NDST4: variants seen among roughly 807,000 people sequenced by gnomAD.
NDST4 encodes N-deacetylase and N-sulfotransferase 4.
NDST4 carries 63 observed loss-of-function variants against 100.8 expected under a neutral mutation model. The ratio of observed to expected loss-of-function variants is 0.62; its 90% CI spans 0.51 to 0.77. NDST4 has a LOEUF of 0.77. NDST4 is among the 30% of genes least tolerant of loss of function. NDST4 has a pLI of 0.00. For missense variants in NDST4, 943 were observed against 1,018.4 expected, an observed-to-expected ratio of 0.93 and a Z score of 1.01; for synonymous variants, 377 against 361.8, an observed-to-expected ratio of 1.04 and a Z score of -0.48.
Position 115,077,200 on chromosome 4 carries a change from G to T in NDST4, c.-164C>A. 1 of 630,320 alleles carries T rather than the reference G, an allele frequency of 1.6e-6. No homozygotes were observed. Among genetic ancestry groups the T allele is most frequent in the Non-Finnish European group, 2.7e-6 (1 of 373,870 alleles). The allele number at this position is 630,320 out of a possible 1,614,324, so 39.0% of individuals were successfully genotyped here. On this transcript the variant is annotated 5_prime_UTR_variant, in exon 2 of 14. Transcript: ENST00000264363. ...AGCACAACTGAGTTAAAGCTGGAAG[G>T]CAATAGATGGGAAGGATATACGTTG...
At chr4:114,909,366 AAGCTAAATTATTG>A (rs1725015909) in intron 6 of NDST4, among the ~76,000 whole-genome samples, 1 of 152,158 alleles carries the variant, frequency 6.6e-6, no homozygotes, top group Middle Eastern at 3.2e-3. Context: ...ACTTCTTAGA[AAGCTAAATTATTG>A]GCCGGGCGCG....
At chr4:114,877,305 A>T (rs1437704672) in intron 6 of NDST4, among the ~76,000 whole-genome samples, 1 of 152,238 alleles carries the variant, frequency 6.6e-6, no homozygotes, top group African/African-American at 2.4e-5. Flanking sequence ...AATGGATTAA[A>T]TCTAAAATAT....
chr4:114,839,204 A>G (rs1723373009), intron 11 of NDST4, among the ~76,000 whole-genome samples, 174 bp downstream of exon 11: 1 of 152,210 alleles, frequency 6.6e-6, no homozygotes, highest in Non-Finnish European at 1.5e-5. Context: ...CTTACTTATC[A>G]TTGTCTCTGA....
At chr4:114,854,898 C>T (rs995372846) in intron 7 of NDST4, among the ~76,000 whole-genome samples, 2 of 152,230 alleles carry the variant, frequency 1.3e-5, no homozygotes, top group Non-Finnish European at 2.9e-5. Flanking sequence ...TTCCCACCAA[C>T]AGTGTCCAAG....
intron 2 of NDST4, among the ~76,000 whole-genome samples, chr4:114,998,456 T>C (rs1249205254): frequency 6.6e-6 from 1 of 152,068 alleles, no homozygotes; most frequent in East Asian, 1.9e-4. Flanking sequence ...CCATTAACTA[T>C]TCCCTGGGGA....
chr4:115,050,395 A>T (rs1728558525), intron 2 of NDST4, among the ~76,000 whole-genome samples: 1 of 147,766 alleles, frequency 6.8e-6, no homozygotes, highest in African/African-American at 2.6e-5. Flanking sequence ...CTGCTTTGAA[A>T]ATGAAGCATT....
At chr4:114,988,490 T>A (rs533094215) in intron 2 of NDST4, among the ~76,000 whole-genome samples, 2 of 151,050 alleles carry the variant, frequency 1.3e-5, no homozygotes, top group East Asian at 3.9e-4. Flanking sequence ...GCCTCCCAAG[T>A]AGCTGGGACT....
intron 6 of NDST4, among the ~76,000 whole-genome samples, chr4:114,898,754 T>C (rs1029314907): frequency 7.2e-6 from 1 of 137,950 alleles, no homozygotes; most frequent in Admixed American, 7.0e-5. Flanking sequence ...TTTGCACTTA[T>C]TAGAATTATA....
chr4:115,084,683 C>T (rs773681922), intron 1 of NDST4, among the ~76,000 whole-genome samples: 1 of 152,176 alleles, frequency 6.6e-6, no homozygotes, highest in Non-Finnish European at 1.5e-5. Context: ...AAGCCCCAAG[C>T]CTTGGTGGCT....
At chr4:114,980,642 CA>C in intron 2 of NDST4, among the ~76,000 whole-genome samples, 1 of 149,454 alleles carries the variant, frequency 6.7e-6, no homozygotes, top group South Asian at 2.1e-4. Flanking sequence ...AACTCCATCT[CA>C]AAAAATAAAT....
At chr4:115,068,425 T>A (rs1728997543) in intron 2 of NDST4, among the ~76,000 whole-genome samples, 1 of 152,154 alleles carries the variant, frequency 6.6e-6, no homozygotes. Context: ...AGATTTTGTT[T>A]TCTACTTTTG....
chr4:115,036,464 G>A (rs1728235547), intron 2 of NDST4, among the ~76,000 whole-genome samples: 2 of 151,294 alleles, frequency 1.3e-5, no homozygotes, highest in African/African-American at 4.8e-5. Context: ...AAATAACAAG[G>A]AAAACTAATA....
chr4:115,009,326 C>T lies in NDST4; in HGVS notation c.979-32052G>A, dbSNP rs1220144005. Reference sequence around the variant, plus strand: ...TAACCAAAACAGCATGGTACTGGTACCAAAACAGAGATATAGATCAATGGA... The same window carrying T: ...TAACCAAAACAGCATGGTACTGGTATCAAAACAGAGATATAGATCAATGGA... On this transcript the variant is annotated intron_variant, in intron 2 of 13. Transcript: ENST00000264363. Among the ~76,000 whole-genome samples, 11 of 128,322 alleles carry T rather than the reference C, an allele frequency of 8.6e-5. 2 individuals are homozygous for T. Among genetic ancestry groups the T allele is most frequent in the African/African-American group, 3.3e-4 (11 of 33,780 alleles). 84.2% of individuals were successfully genotyped at this position (128,322 alleles called of 152,430 possible).
chr4:115,001,488 C>G (rs775641859), intron 2 of NDST4, among the ~76,000 whole-genome samples: 3 of 151,558 alleles, frequency 2.0e-5, no homozygotes, highest in Admixed American at 2.0e-4. Flanking sequence ...GCTTTTTATA[C>G]GAATATGTAA....
chr4:114,935,431 A>G lies in NDST4; in HGVS notation c.1408-97T>C, dbSNP rs955458880. 4 of 1,225,346 alleles carry G rather than the reference A, an allele frequency of 3.3e-6. No homozygotes were observed. The African/African-American group carries it at 4.7e-5, about 14-fold the overall frequency. 75.9% of individuals were successfully genotyped at this position (1,225,346 alleles called of 1,614,324 possible). A position where few individuals can be genotyped will look rare whatever the true frequency, so the allele number is the denominator to read the frequency against. The stretch of plus-strand genomic sequence containing the variant: ...TAGAATCTGCAAATTGTAATTTCCT[A>G]TTGGATTTTCTTGGTTGCTAAGGCC... On this transcript the variant is annotated intron_variant, in intron 5 of 13. Coordinates refer to ENST00000264363, the MANE Select transcript of NDST4 (RefSeq NM_022569.3).
At chr4:114,903,404 G>A (rs1324799452) in intron 6 of NDST4, among the ~76,000 whole-genome samples, 1 of 151,982 alleles carries the variant, frequency 6.6e-6, no homozygotes, top group East Asian at 1.9e-4. Flanking sequence ...AGAAGTGTGG[G>A]GGGCCTTATG....
chr4:114,945,541 A>G (rs1283314777), intron 4 of NDST4, among the ~76,000 whole-genome samples: 1 of 152,210 alleles, frequency 6.6e-6, no homozygotes, highest in Admixed American at 6.5e-5. Flanking sequence ...GAAACACATC[A>G]TAGGTGTTTA....
chr4:115,068,354 T>C lies in NDST4; in HGVS notation c.978+7705A>G, dbSNP rs567463673. On this transcript the variant is annotated intron_variant, in intron 2 of 13. Transcript: ENST00000264363. ...CTAGGTTCATATCCATTGAAAACAC[T>C]ACGTAGGAAGGAAAATCAAACCAAA... Among the ~76,000 whole-genome samples, 102 of 152,206 alleles carry C rather than the reference T, an allele frequency of 6.7e-4. 2 individuals carry two copies. The highest frequency in any genetic ancestry group is 2.0e-3 in the Admixed American group (30 of 15,272).
chr4:115,005,031 T>G (rs1230621637), intron 2 of NDST4, among the ~76,000 whole-genome samples: 19 of 152,192 alleles, frequency 1.2e-4, no homozygotes, highest in Non-Finnish European at 1.5e-5. Context: ...TTATTAAAAT[T>G]GAATTTCTTA....
Sources: allele counts gnomAD v4.1 joint callset (sites outside exome capture counted in the v4.1 genomes callset), GRCh38; gene constraint gnomAD v4.1.1; transcripts MANE v1.5; gene names NCBI Gene and HGNC (gene_info 2026-07-23, HGNC 2026-07-21).